KAZN: variants seen among roughly 807,000 people sequenced by gnomAD.
The protein encoded by KAZN is kazrin, periplakin interacting protein, also known as kazrin.
KAZN carries 40 observed loss-of-function variants against 87.4 expected under a neutral mutation model. That is an observed-to-expected ratio of 0.46 (90% CI 0.36 to 0.60). The LOEUF (loss-of-function observed/expected upper bound fraction) is 0.60. Among genes scored for constraint, KAZN ranks in the 20% least tolerant of loss-of-function variants. The pLI is 0.00. For synonymous variants in KAZN, 466 were observed against 458.3 expected, an observed-to-expected ratio of 1.02 and a Z score of -0.22; for missense variants, 898 against 1,073.9, an observed-to-expected ratio of 0.84 and a Z score of 2.29.
At chr1:14,644,002 C>CTTTTTTTTTTTTT (rs34535562) in intron 1 of KAZN, among the ~76,000 whole-genome samples, 7 of 60,342 alleles carry the variant, frequency 1.2e-4, no homozygotes, top group Non-Finnish European at 1.5e-4. Flanking sequence ...CCTTTGCCCA[C>CTTTTTTTTTTTTT]TTTTTTTTTT....
At chr1:14,862,679 G>A (rs764982911) in intron 1 of KAZN, among the ~76,000 whole-genome samples, 1 of 152,124 alleles carries the variant, frequency 6.6e-6, no homozygotes, top group Non-Finnish European at 1.5e-5. Flanking sequence ...TGGGAGTTTC[G>A]AATCAGTATA....
intron 3 of KAZN, among the ~76,000 whole-genome samples, chr1:15,035,092 G>A (rs1476495144): frequency 1.3e-5 from 2 of 152,010 alleles, no homozygotes; most frequent in Non-Finnish European, 2.9e-5. Context: ...AAACAGGACA[G>A]CGTGGACTCA....
At position 14,354,845 on chromosome 1, in the gene KAZN, G is replaced by A. The variant is rs565616717; in HGVS notation, c.249+174253G>A. On this transcript the variant is annotated intron_variant, in intron 2 of 16. Coordinates refer to the KAZN transcript ENST00000636203. ...CTATCCTATGACCCAGCAATTCCTA[G>A]GTATTTACCAAAGAGAAATGAAAAT... Among the ~76,000 whole-genome samples, 3 of 152,044 alleles carry A rather than the reference G, an allele frequency of 2.0e-5. No homozygotes were observed. The East Asian group carries it at 5.8e-4, about 29-fold the overall frequency.
At chr1:13,920,104 G>T (rs567091857) in intron 1 of KAZN, among the ~76,000 whole-genome samples, 2 of 152,168 alleles carry the variant, frequency 1.3e-5, no homozygotes, top group Admixed American at 6.5e-5. Context: ...ACAAAAATTA[G>T]TTGGGGCTGG....
At chr1:15,074,543 A>C (rs548398149) in intron 8 of KAZN, among the ~76,000 whole-genome samples, 1 of 152,272 alleles carries the variant, frequency 6.6e-6, no homozygotes, top group African/African-American at 2.4e-5. Context: ...TAGAACAGGA[A>C]ATAGGAAAAT....
intron 1 of KAZN, among the ~76,000 whole-genome samples, chr1:14,808,374 G>A (rs12058489): frequency 0.32 from 44,741 of 141,508 alleles, 8,179 homozygotes; most frequent in East Asian, 0.54. Context: ...TCAGTTCACC[G>A]CAACCTCTGC....
intron 1 of KAZN, among the ~76,000 whole-genome samples, chr1:14,177,157 CAAAA>C (rs36023820): frequency 4.0e-5 from 6 of 149,922 alleles, no homozygotes; most frequent in Middle Eastern, 3.4e-3. Context: ...GACGCCATCT[CAAAA>C]AAAAAGACAA....
chr1:14,617,494 A>AAAAAAC (rs915189692), intron 1 of KAZN, among the ~76,000 whole-genome samples: 1 of 152,202 alleles, frequency 6.6e-6, no homozygotes, highest in African/African-American at 2.4e-5. Flanking sequence ...TTTGATTTGT[A>AAAAAAC]AAAAACAAAA....
intron 1 of KAZN, among the ~76,000 whole-genome samples, chr1:14,840,971 A>G (rs560823447): frequency 6.6e-6 from 1 of 152,320 alleles, no homozygotes; most frequent in South Asian, 2.1e-4. Context: ...TGATAGGTAG[A>G]TAGGGAAATA....
At chr1:14,266,326 T>G (rs1354806659) in intron 2 of KAZN, among the ~76,000 whole-genome samples, 1 of 152,190 alleles carries the variant, frequency 6.6e-6, no homozygotes, top group Non-Finnish European at 1.5e-5. Context: ...CAGTTGGCTG[T>G]CTGTATCTCT....
intron 2 of KAZN, among the ~76,000 whole-genome samples, chr1:14,260,203 G>T (rs969762739): frequency 7.2e-5 from 11 of 152,282 alleles, no homozygotes; most frequent in South Asian, 4.1e-4. Flanking sequence ...CAAGGAGACA[G>T]CAGTGAGCAA....
At position 14,359,151 on chromosome 1, in the gene KAZN, GAATTGATCTCTTTACC is replaced by G. The variant is rs1345073597; in HGVS notation, c.249+178563_249+178578del. On this transcript the variant is annotated intron_variant, in intron 2 of 16. Coordinates refer to the KAZN transcript ENST00000636203. The stretch of plus-strand genomic sequence containing the variant: ...TTTAGGATAGTTAGCTCTTCTTGTT[GAATTGATCTCTTTACC>G]AATATCTAACGTCCTTCTTCGTCTT... Among the ~76,000 whole-genome samples, 18 of 152,256 alleles carry G rather than the reference GAATTGATCTCTTTACC, an allele frequency of 1.2e-4. No homozygotes were observed. The East Asian group carries it at 3.3e-3, about 28-fold the overall frequency.
intron 2 of KAZN, among the ~76,000 whole-genome samples, chr1:14,437,503 C>A (rs925238627): frequency 6.6e-6 from 1 of 152,180 alleles, no homozygotes; most frequent in Admixed American, 6.5e-5. Context: ...TCACCTCGCC[C>A]CTGGCAGTCA....
chr1:14,588,352 T>C (rs1675982239), intron 2 of KAZN, among the ~76,000 whole-genome samples: 1 of 152,246 alleles, frequency 6.6e-6, no homozygotes, highest in Admixed American at 6.5e-5. Context: ...CATTCAGTGT[T>C]CTTCATGTAA....
chr1:14,221,295 G>T (rs1571056619), intron 2 of KAZN, among the ~76,000 whole-genome samples: 1 of 152,104 alleles, frequency 6.6e-6, no homozygotes, highest in Non-Finnish European at 1.5e-5. Context: ...TATAAGCATT[G>T]TGCTAGAGGT....
chr1:14,180,385 T>C, intron 1 of KAZN: 1 of 1,522,000 alleles, frequency 6.6e-7, no homozygotes, highest in Non-Finnish European at 8.9e-7. Flanking sequence ...CAATTTCTCT[T>C]TGAAAGTTAC....
chr1:15,031,147 G>A (rs750579174), intron 2 of KAZN, among the ~76,000 whole-genome samples: 1 of 152,250 alleles, frequency 6.6e-6, no homozygotes. Context: ...TGGGGCTGGG[G>A]ACCCTCCAGG....
At chr1:14,885,794 AC>A (rs1389123034) in intron 1 of KAZN, among the ~76,000 whole-genome samples, 35 of 152,244 alleles carry the variant, frequency 2.3e-4, no homozygotes, top group Non-Finnish European at 4.6e-4. Context: ...TAGGTGCTCT[AC>A]AATCCTCTTG....
intron 5 of KAZN, among the ~76,000 whole-genome samples, chr1:15,059,352 AG>A (rs1638579875): frequency 6.6e-6 from 1 of 152,230 alleles, no homozygotes; most frequent in Non-Finnish European, 1.5e-5. Flanking sequence ...GATGGGCAAC[AG>A]GAATGGCAGA....
Sources: gnomAD v4.1 joint callset for allele counts (sites outside exome capture counted in the v4.1 genomes callset) on GRCh38, gnomAD v4.1.1 for gene constraint, MANE v1.5 for transcripts, NCBI Gene and HGNC (gene_info 2026-07-23, HGNC 2026-07-21) for gene names.